Variants in MYO3A observed in about 807,000 individuals in gnomAD.
MYO3A encodes myosin-IIIa.
Under a neutral mutation model 192.7 loss-of-function variants are expected in MYO3A, and 180 were observed. That is an observed-to-expected ratio of 0.93 (90% CI 0.83 to 1.06). The LOEUF is 1.06. MYO3A is among the 50% of genes least tolerant of loss of function. The pLI is 0.00. For missense variants in MYO3A, 1,896 were observed against 1,905.0 expected (o/e 1.00, Z 0.09); for synonymous variants, 628 against 645.3 (o/e 0.97, Z 0.41).
intron 12 of MYO3A, among the ~76,000 whole-genome samples, chr10:26,069,892 A>G (rs1835088990): frequency 6.6e-6 from 1 of 151,972 alleles, no homozygotes; most frequent in Non-Finnish European, 1.5e-5. Flanking sequence ...ATGTCATATC[A>G]TATTTCTGGG....
intron 31 of MYO3A, among the ~76,000 whole-genome samples, chr10:26,178,841 A>C (rs529911939): frequency 6.6e-6 from 1 of 151,458 alleles, no homozygotes. Context: ...TTGCTCTGTC[A>C]CCCAGGCTGT....
At chr10:25,965,957 T>C (rs1055570473) in intron 4 of MYO3A, among the ~76,000 whole-genome samples, 11 of 148,576 alleles carry the variant, frequency 7.4e-5, no homozygotes, top group Admixed American at 4.0e-4. Context: ...CTGTTTTTTT[T>C]TTTCTCTCTC....
chr10:26,131,333 A>T (rs1334435599), intron 20 of MYO3A, among the ~76,000 whole-genome samples: 1 of 127,316 alleles, frequency 7.9e-6, no homozygotes, highest in East Asian at 2.2e-4. Flanking sequence ...AAAAAGATCA[A>T]GAAACTACAG....
chr10:26,138,485 G>A (rs1350116909), intron 20 of MYO3A, among the ~76,000 whole-genome samples: 1 of 152,158 alleles, frequency 6.6e-6, no homozygotes, highest in East Asian at 1.9e-4. Context: ...CTTGAAGACT[G>A]TAGCTTGTCA....
rs1843688063 is a variant in MYO3A, at chr10:26,201,770, ATG to A, written c.4586+468_4586+469del. Among the ~76,000 whole-genome samples the A allele has an allele frequency of 4.6e-5, 7 of 152,186 alleles. No homozygotes were observed. The South Asian group carries it at 1.4e-3, about 31-fold the overall frequency. Reference sequence around the variant, plus strand: ...CACCCAATACATTTACGTTACGAATATGTGATTTATATATAATTTATAAGATC... The same window carrying A: ...CACCCAATACATTTACGTTACGAATATGATTTATATATAATTTATAAGATC... On this transcript the variant is annotated intron_variant, in intron 33 of 34. Transcript: ENST00000642920.
intron 10 of MYO3A, among the ~76,000 whole-genome samples, chr10:26,038,032 G>T (rs1843133553): frequency 6.6e-6 from 1 of 152,134 alleles, no homozygotes; most frequent in Non-Finnish European, 1.5e-5. Flanking sequence ...CTTATCGCTG[G>T]GTTCTCTATT....
chr10:26,077,236 T>TG (rs1564525509), intron 14 of MYO3A, among the ~76,000 whole-genome samples: 1 of 138,434 alleles, frequency 7.2e-6, no homozygotes, highest in East Asian at 2.0e-4. Flanking sequence ...TCCTAAGGTT[T>TG]TTTTTTTTTT....
At chr10:26,079,524 G>A (rs929622806) in intron 14 of MYO3A, among the ~76,000 whole-genome samples, 1 of 151,964 alleles carries the variant, frequency 6.6e-6, no homozygotes, top group African/African-American at 2.4e-5. Context: ...TGTGATATAC[G>A]GTTGCATTCA....
chr10:26,041,457 C>T (rs1004114766), intron 10 of MYO3A, among the ~76,000 whole-genome samples: 1 of 151,914 alleles, frequency 6.6e-6, no homozygotes, highest in African/African-American at 2.4e-5. Context: ...GTACTCCTGC[C>T]ATTTTGTTAT....
intron 10 of MYO3A, among the ~76,000 whole-genome samples, chr10:26,053,196 AT>A (rs143445235): frequency 0.16 from 24,724 of 152,172 alleles, 2,292 homozygotes; most frequent in Non-Finnish European, 0.21. Context: ...TAATATATAT[AT>A]GTATGTGTGT....
chr10:26,034,708 A>G (rs772610945), intron 10 of MYO3A, among the ~76,000 whole-genome samples: 1 of 152,126 alleles, frequency 6.6e-6, no homozygotes, highest in African/African-American at 2.4e-5. Flanking sequence ...AGATAATTAT[A>G]TTAATAATAC....
At chr10:26,153,968 A>G in intron 24 of MYO3A, 39 bp downstream of exon 24, 2 of 1,396,560 alleles carry the variant, frequency 1.4e-6, no homozygotes, top group Non-Finnish European at 2.0e-6. Context: ...GAGTCTAAGA[A>G]TCTAACCGGT....
At chr10:26,128,623 G>T in intron 20 of MYO3A, 85 bp downstream of exon 20, 1 of 1,337,396 alleles carries the variant, frequency 7.5e-7, no homozygotes, top group South Asian at 1.2e-5. Context: ...CTTAACCATA[G>T]ATTTAATGCC....
chr10:26,143,636 A>G (rs1232073028), intron 21 of MYO3A, 35 bp downstream of exon 21: 1 of 1,608,718 alleles, frequency 6.2e-7, no homozygotes, highest in African/African-American at 1.3e-5. Context: ...GCATGGTTTT[A>G]TGAATAGAGT....
At chr10:26,043,836 G>A (rs1450747202) in intron 10 of MYO3A, among the ~76,000 whole-genome samples, 1 of 152,194 alleles carries the variant, frequency 6.6e-6, no homozygotes, top group Admixed American at 6.5e-5. Flanking sequence ...TACCTAAGAT[G>A]CAAGACACAG....
intron 32 of MYO3A, among the ~76,000 whole-genome samples, chr10:26,194,950 TTTG>T (rs1309405201): frequency 6.6e-6 from 1 of 152,226 alleles, no homozygotes; most frequent in African/African-American, 2.4e-5. Context: ...CACTCACAGC[TTTG>T]TTGAGATATA....
At chr10:26,049,180 G>C (rs1469652431) in intron 10 of MYO3A, among the ~76,000 whole-genome samples, 1 of 152,188 alleles carries the variant, frequency 6.6e-6, no homozygotes. Flanking sequence ...GACATATCAA[G>C]ATGACATACT....
intron 10 of MYO3A, among the ~76,000 whole-genome samples, chr10:26,042,081 G>T (rs1843381259): frequency 1.3e-5 from 2 of 151,968 alleles, no homozygotes; most frequent in Admixed American, 6.5e-5. Flanking sequence ...GGGTATTTTT[G>T]CCAGATATAC....
chr10:26,034,112 T>C (rs1174075019), intron 10 of MYO3A, among the ~76,000 whole-genome samples: 1 of 152,228 alleles, frequency 6.6e-6, no homozygotes, highest in East Asian at 1.9e-4. Context: ...AAATTATGGA[T>C]ACACCAAGGC....
Sources: gnomAD v4.1 joint callset for allele counts (sites outside exome capture counted in the v4.1 genomes callset) on GRCh38, gnomAD v4.1.1 for gene constraint, MANE v1.5 for transcripts, NCBI Gene and HGNC (gene_info 2026-07-23, HGNC 2026-07-21) for gene names.